The following NBEAL1 variants were observed in gnomAD, a reference collection of about 807,000 sequenced individuals.
The protein encoded by NBEAL1 is neurobeachin-like protein 1.
In NBEAL1, 273 loss-of-function variants were observed where a neutral mutation model predicts 351.3. That is an observed-to-expected ratio of 0.78 (90% CI 0.70 to 0.86). The LOEUF (loss-of-function observed/expected upper bound fraction) is 0.86, where lower values mean the gene tolerates loss of function less well. Ranked by LOEUF, NBEAL1 falls within the 40% of genes least tolerant of loss-of-function variation. NBEAL1 has a pLI of 0.00. For missense variants in NBEAL1, 2,961 were observed against 3,201.3 expected, an observed-to-expected ratio of 0.92 and a Z score of 1.81; for synonymous variants, 1,050 against 1,086.4, an observed-to-expected ratio of 0.97 and a Z score of 0.66.
chr2:203,132,961 A>G, intron 26 of NBEAL1, 97 bp from the exon 27 acceptor site: 1 of 634,408 alleles, frequency 1.6e-6, no homozygotes, highest in East Asian at 3.0e-5. Context: ...TTTTAAAATG[A>G]AATAATTATT....
rs1219470758 is a variant in NBEAL1, at chr2:203,133,073, T to C, written c.3740T>C (p.Phe1247Ser). 2 of 1,481,410 alleles carry C rather than the reference T, an allele frequency of 1.4e-6. No homozygotes were observed. The highest frequency in any genetic ancestry group is 2.6e-5 in the South Asian group (2 of 77,878). 91.8% of individuals were successfully genotyped at this position (1,481,410 alleles called of 1,614,324 possible). A position where few individuals can be genotyped will look rare whatever the true frequency, so the allele number is the denominator to read the frequency against. ...CCTACCATAGATCCTGTTATTAATT[T>C]CAAAGATCTACTATCTGTGGTATAT... Reference protein sequence around the residue: ...QIINTDPVINFKDLLSVVYIS... With the variant: ...QIINTDPVINSKDLLSVVYIS... The change falls in exon 27 of 56, where the codon TTC (phenylalanine) becomes TCC (serine). Residue 1247 changes from phenylalanine (F) to serine (S), a missense_variant. By Grantham distance (155) the Phe-to-Ser change is radical. Transcript: ENST00000683969.
intron 9 of NBEAL1, among the ~76,000 whole-genome samples, 183 bp from the exon 10 acceptor site, chr2:203,084,280 G>T (rs1339369356): frequency 1.3e-5 from 2 of 152,078 alleles, no homozygotes; most frequent in Admixed American, 6.6e-5. Flanking sequence ...AACATTAATT[G>T]TTTGGTGTAT....
In NBEAL1 at chr2:203,125,950, G is replaced by C. The variant is rs1003402396; in HGVS notation, c.2852-10G>C. The C allele has an allele frequency of 6.7e-7, 1 of 1,500,534 alleles. No individual in the cohort carries two copies. The highest frequency in any genetic ancestry group is 2.6e-5 in the East Asian group (1 of 39,138). The allele number at this position is 1,500,534 out of a possible 1,614,324, so 93.0% of individuals were successfully genotyped here. A position where few individuals can be genotyped will look rare whatever the true frequency, so the allele number is the denominator to read the frequency against. ...AAATTATGATAATTAATATGTTCCTGATTCTACAGAGTCAAGACTAGAGAG... is the reference window on the plus strand; with the variant it reads ...AAATTATGATAATTAATATGTTCCTCATTCTACAGAGTCAAGACTAGAGAG... On this transcript the variant is annotated splice_polypyrimidine_tract_variant and intron_variant, in intron 20 of 55. Coordinates refer to ENST00000683969, the MANE Select transcript of NBEAL1 (RefSeq NM_001378026.1).
rs573835435 is a variant in NBEAL1, at chr2:203,189,676, C to G, written c.6824-616C>G. Among the ~76,000 whole-genome samples, 13 of 152,192 alleles carry G rather than the reference C, an allele frequency of 8.5e-5. No individual in the cohort carries two copies. In the East Asian group the frequency reaches 2.5e-3, roughly 29 times the overall value. On this transcript the variant is annotated intron_variant, in intron 45 of 55. Transcript: ENST00000683969. ...TGCTGGGATTACAGGCGTGACCCAC[C>G]ACCCCTGGCCCAATAGAAACCTTCA...
intron 36 of NBEAL1, among the ~76,000 whole-genome samples, chr2:203,161,258 C>T (rs112587539): frequency 1.4e-5 from 2 of 143,538 alleles, no homozygotes; most frequent in African/African-American, 2.6e-5. Context: ...ACCTGGGAGG[C>T]GGAGCTTGCA....
chr2:203,217,198 T>C (rs2065906246), intron 55 of NBEAL1, 55 bp from the exon 56 acceptor site: 2 of 1,333,950 alleles, frequency 1.5e-6, no homozygotes, highest in Non-Finnish European at 2.0e-6. Flanking sequence ...TACATATCTT[T>C]TTTTTAATTT....
intron 46 of NBEAL1, 44 bp downstream of exon 46, chr2:203,190,433 G>A: frequency 1.5e-6 from 2 of 1,317,354 alleles, no homozygotes; most frequent in Non-Finnish European, 2.1e-6. Context: ...AACTTAAGAA[G>A]TAGATTTAAG....
Position 203,084,453 on chromosome 2 carries a change from A to T in NBEAL1, c.992-10A>T. 1 of 1,378,868 alleles carries T rather than the reference A, an allele frequency of 7.3e-7. No homozygotes were observed. The allele number at this position is 1,378,868 out of a possible 1,614,324, so 85.4% of individuals were successfully genotyped here. A position where few individuals can be genotyped will look rare whatever the true frequency, so the allele number is the denominator to read the frequency against. ...TTTTTACATGGATGATTTTCTTTTT[A>T]TTTTCCTAGATACCATCACAGCCAT... On this transcript the variant is annotated splice_polypyrimidine_tract_variant and intron_variant, in intron 9 of 55. Coordinates refer to ENST00000683969, the MANE Select transcript of NBEAL1 (RefSeq NM_001378026.1).
Position 203,077,637 on chromosome 2 carries a change from A to ATG in NBEAL1, c.599-115_599-114insTG, listed in dbSNP as rs2061800104. ...ATGCATATCAACCTTGGCTTTTAAC[A>ATG]CAGATCAGCCTTTTCACAAATAGTT... On this transcript the variant is annotated intron_variant, in intron 7 of 55. Coordinates refer to ENST00000683969, the MANE Select transcript of NBEAL1 (RefSeq NM_001378026.1). 3 of 578,106 alleles carry ATG rather than the reference A, an allele frequency of 5.2e-6. No homozygotes were observed. The East Asian group carries it at 1.1e-4, about 21-fold the overall frequency. The allele number at this position is 578,106 out of a possible 1,614,324, so 35.8% of individuals were successfully genotyped here. A position where few individuals can be genotyped will look rare whatever the true frequency, so the allele number is the denominator to read the frequency against.
chr2:203,182,167 T>C (rs2064738245), intron 43 of NBEAL1: 1 of 152,234 alleles, frequency 6.6e-6, no homozygotes, highest in Non-Finnish European at 1.5e-5. Flanking sequence ...ATTTTAGTGT[T>C]TCCCATAATA....
At chr2:203,214,639 G>A (rs1241913347) in intron 55 of NBEAL1, among the ~76,000 whole-genome samples, 2 of 152,092 alleles carry the variant, frequency 1.3e-5, no homozygotes, top group Non-Finnish European at 2.9e-5. Context: ...GCCGGGTGTG[G>A]TGGCATATGC....
At position 203,224,153 on chromosome 2, in the gene NBEAL1, T is replaced by A. The variant is rs2065983628; in HGVS notation, c.*6799T>A. ...TTATAGTAGATCTTACTATTAAAGA[T>A]CTTTTATATTTTAAACTGTTTTTTT... On this transcript the variant is annotated 3_prime_UTR_variant, in exon 56 of 56. Transcript: ENST00000683969. Among the ~76,000 whole-genome samples, 1 of 152,074 alleles carries A rather than the reference T, an allele frequency of 6.6e-6. No homozygotes were observed.
chr2:203,183,965 C>G (rs902797615), intron 44 of NBEAL1, among the ~76,000 whole-genome samples: 1 of 151,412 alleles, frequency 6.6e-6, no homozygotes, highest in African/African-American at 2.4e-5. Flanking sequence ...ATAATCTCAG[C>G]TACTCAGGAG....
intron 33 of NBEAL1, 117 bp downstream of exon 33, chr2:203,145,277 A>G (rs948569195): frequency 5.3e-5 from 48 of 900,982 alleles, no homozygotes; most frequent in Middle Eastern, 6.3e-4. Context: ...TTATTTGTCT[A>G]AAAATTATCT....
At chr2:203,203,916 T>G (rs955489424) in intron 51 of NBEAL1, among the ~76,000 whole-genome samples, 24 of 144,228 alleles carry the variant, frequency 1.7e-4, no homozygotes, top group Non-Finnish European at 2.8e-4. Context: ...TTGTTTTTTG[T>G]GTTTTTTTTG....
At chr2:203,108,408 T>G (rs190951928) in intron 14 of NBEAL1, among the ~76,000 whole-genome samples, 3 of 136,972 alleles carry the variant, frequency 2.2e-5, no homozygotes, top group African/African-American at 5.3e-5. Flanking sequence ...TTTTTTTTTT[T>G]GTTTTTTTGA....
intron 2 of NBEAL1, among the ~76,000 whole-genome samples, chr2:203,029,044 G>A (rs984701323): frequency 6.6e-6 from 1 of 152,106 alleles, no homozygotes; most frequent in Non-Finnish European, 1.5e-5. Flanking sequence ...GGAGTGCAAT[G>A]GTGTGATCTC....
At position 203,108,140 on chromosome 2, in the gene NBEAL1, T is replaced by A. The variant is rs1045105557; in HGVS notation, c.1901T>A (p.Leu634Ter). 6.4e-7 allele frequency: 1 copy of A among 1,552,066 alleles called. No homozygotes were observed. Among genetic ancestry groups the A allele is most frequent in the Admixed American group, 2.0e-5 (1 of 50,994 alleles). The change falls in exon 14 of 56, where the codon TTG (leucine) becomes TAG (stop). Residue 634 changes from leucine (L) to a stop codon, truncating the protein, a stop_gained. Coordinates refer to ENST00000683969, the MANE Select transcript of NBEAL1 (RefSeq NM_001378026.1). LOFTEE classifies it high-confidence loss of function. ...SAWFCLDQDQLTLGIANKGGK... is the reference protein window; with the variant it reads ...SAWFCLDQDQ ...TGGTTTTGCTTAGACCAGGATCAGT[T>A]GACTCTTGGCATTGCTAACAAAGGA...
Position 203,057,380 on chromosome 2 carries a change from T to C in NBEAL1, c.442T>C (p.Phe148Leu), listed in dbSNP as rs2061421097. The C allele has an allele frequency of 6.4e-7, 1 of 1,552,496 alleles. No individual in the cohort carries two copies. Among genetic ancestry groups the C allele is most frequent in the East Asian group, 2.4e-5 (1 of 41,632 alleles). Residue 148 changes from phenylalanine to leucine, a missense_variant, in exon 6 of 56, where the codon TTT becomes CTT. Physicochemically the swap from Phe to Leu is conservative, Grantham distance 22. Transcript: ENST00000683969. ...EMADQTCIEE[F>L]VIHALAFCES... ...GGCAGATCAGACATGTATTGAAGAA[T>C]TTGTGATCCACGCATTGGCATTTTG... is the stretch of plus-strand genomic sequence containing the variant.
Sources: gnomAD v4.1 joint callset for allele counts (sites outside exome capture counted in the v4.1 genomes callset) on GRCh38, gnomAD v4.1.1 for gene constraint, MANE v1.5 for transcripts, NCBI Gene and HGNC (gene_info 2026-07-23, HGNC 2026-07-21) for gene names.